ARID1A: variants seen among roughly 807,000 people sequenced by gnomAD.
The protein encoded by ARID1A is AT-rich interactive domain-containing protein 1A.
A neutral mutation model predicts 212.6 loss-of-function variants in ARID1A; 20 were observed. The ratio of observed to expected loss-of-function variants is 0.09; its 90% CI spans 0.07 to 0.14. ARID1A has a LOEUF of 0.14. Ranked by LOEUF, ARID1A falls within the 10% of genes least tolerant of loss-of-function variation. The probability of loss-of-function intolerance (pLI) is 1.00; values close to 1 mark genes in which losing one functional copy is unlikely to be tolerated. For synonymous variants in ARID1A, 1,376 were observed against 1,222.1 expected, an observed-to-expected ratio of 1.13 and a Z score of -2.63; for missense variants, 2,587 against 3,059.0, an observed-to-expected ratio of 0.85 and a Z score of 3.64.
At chr1:26,716,173 T>C (rs2080500627) in intron 1 of ARID1A, among the ~76,000 whole-genome samples, 1 of 135,334 alleles carries the variant, frequency 7.4e-6, no homozygotes, top group South Asian at 2.3e-4. Context: ...GCCACTGCAC[T>C]CCAACCTGGG....
At chr1:26,736,651 A>G (rs2080733589) in intron 4 of ARID1A, among the ~76,000 whole-genome samples, 1 of 147,222 alleles carries the variant, frequency 6.8e-6, no homozygotes, top group Admixed American at 6.8e-5. Flanking sequence ...AAAAAAGGGC[A>G]CAGTGGCTCA....
At chr1:26,743,856 A>C (rs987044928) in intron 4 of ARID1A, among the ~76,000 whole-genome samples, 6 of 151,802 alleles carry the variant, frequency 4.0e-5, no homozygotes, top group African/African-American at 1.5e-4. Flanking sequence ...CCTTTTGTTC[A>C]TTTCATGATA....
Position 26,779,071 on chromosome 1 carries a change from A to C in ARID1A, c.5173A>C (p.Ile1725Leu). 6.6e-7 allele frequency: 1 copy of C among 1,512,388 alleles called. No individual in the cohort carries two copies. Among genetic ancestry groups the C allele is most frequent in the Non-Finnish European group, 8.8e-7 (1 of 1,130,186 alleles). The allele number at this position is 1,512,388 out of a possible 1,614,324, so 93.7% of individuals were successfully genotyped here. A position where few individuals can be genotyped will look rare whatever the true frequency, so the allele number is the denominator to read the frequency against. The change falls in exon 20 of 20, where the codon ATT becomes CTT. Residue 1725 changes from isoleucine (I) to leucine (L), a missense_variant. By Grantham distance (5) the Ile-to-Leu change is conservative. Transcript: ENST00000324856. Reference protein sequence around the residue: ...LLVEYFRRCLIEIFGILKEYE... With the variant: ...LLVEYFRRCLLEIFGILKEYE... ...TGTAGAATATTTCCGACGATGCCTGATTGAGATCTTTGGCATTTTAAAGGA... is the reference window on the plus strand; with the variant it reads ...TGTAGAATATTTCCGACGATGCCTGCTTGAGATCTTTGGCATTTTAAAGGA...
At chr1:26,723,120 G>A (rs1182154358) in intron 1 of ARID1A, among the ~76,000 whole-genome samples, 1 of 152,188 alleles carries the variant, frequency 6.6e-6, no homozygotes, top group Non-Finnish European at 1.5e-5. Context: ...AGATACAGTT[G>A]TCTGGCTGGG....
intron 1 of ARID1A, among the ~76,000 whole-genome samples, chr1:26,702,702 G>A (rs896577464): frequency 1.3e-5 from 2 of 152,178 alleles, no homozygotes; most frequent in Non-Finnish European, 2.9e-5. Context: ...AAAGGGTAGT[G>A]CTGGGGGGCA....
chr1:26,752,536 A>G (rs1361723341), intron 4 of ARID1A, among the ~76,000 whole-genome samples: 1 of 152,210 alleles, frequency 6.6e-6, no homozygotes, highest in Non-Finnish European at 1.5e-5. Flanking sequence ...TGAAAAGCCA[A>G]GTCTCCCAAA....
At chr1:26,725,852 CTTT>C (rs71007888) in intron 1 of ARID1A, among the ~76,000 whole-genome samples, 4 of 126,722 alleles carry the variant, frequency 3.2e-5, no homozygotes, top group Admixed American at 8.2e-5. Flanking sequence ...TGGTATAAAC[CTTT>C]TTTTTTTTTT....
chr1:26,754,523 G>T (rs921980533), intron 4 of ARID1A, among the ~76,000 whole-genome samples: 1 of 152,156 alleles, frequency 6.6e-6, no homozygotes, highest in East Asian at 1.9e-4. Context: ...TGCCCCAGGG[G>T]TGTCATAGAC....
rs2124740360 is a variant in ARID1A, at chr1:26,696,539, G to A, written c.136G>A (p.Glu46Lys). Residue 46 changes from glutamate (E) to lysine (K), a missense_variant, in exon 1 of 20, where the codon GAG (glutamate) becomes AAG (lysine). Transcript: ENST00000324856. ...CGAGGCGGCGGCGGCGGCAGCGGCC[G>A]AGCGCGGGGAAATGAAGGCAGCCGC... ...GGEAAAAAAA[E>K]RGEMKAAAGQ... 8.2e-7 allele frequency: 1 copy of A among 1,226,228 alleles called. No homozygotes were observed. Among genetic ancestry groups the A allele is most frequent in the Non-Finnish European group, 1.0e-6 (1 of 987,046 alleles). The allele number at this position is 1,226,228 out of a possible 1,614,324, so 76.0% of individuals were successfully genotyped here.
intron 4 of ARID1A, among the ~76,000 whole-genome samples, chr1:26,738,019 A>G (rs1426667265): frequency 6.6e-6 from 1 of 151,726 alleles, no homozygotes; most frequent in Non-Finnish European, 1.5e-5. Flanking sequence ...TTCCTTTGCT[A>G]TAGTAAACTC....
At chr1:26,741,467 A>G (rs1249173243) in intron 4 of ARID1A, among the ~76,000 whole-genome samples, 1 of 152,202 alleles carries the variant, frequency 6.6e-6, no homozygotes, top group Admixed American at 6.5e-5. Flanking sequence ...CCTCCGCTTC[A>G]TCCCAAAGAC....
At chr1:26,702,523 T>C (rs1356188997) in intron 1 of ARID1A, among the ~76,000 whole-genome samples, 1 of 152,238 alleles carries the variant, frequency 6.6e-6, no homozygotes, top group African/African-American at 2.4e-5. Flanking sequence ...TTTGTGTAAA[T>C]ACTTGCTGAG....
At chr1:26,760,769 GA>G in intron 4 of ARID1A, 86 bp from the exon 5 acceptor site, 1 of 1,417,902 alleles carries the variant, frequency 7.1e-7, no homozygotes, top group South Asian at 1.3e-5. Flanking sequence ...GTTGTTTAAG[GA>G]AAATGCTAAG....
intron 4 of ARID1A, among the ~76,000 whole-genome samples, chr1:26,747,814 C>T (rs1298390825): frequency 6.6e-6 from 1 of 152,136 alleles, no homozygotes; most frequent in Non-Finnish European, 1.5e-5. Flanking sequence ...TGCACGACTG[C>T]ACTCCAGCCT....
At chr1:26,734,817 C>T (rs1557594297) in intron 4 of ARID1A, among the ~76,000 whole-genome samples, 3 of 152,178 alleles carry the variant, frequency 2.0e-5, no homozygotes, top group Non-Finnish European at 2.9e-5. Flanking sequence ...CCTAGGTTTG[C>T]CAGTGCATTG....
At position 26,774,771 on chromosome 1, in the gene ARID1A, G is replaced by T. The variant is rs2124120359; in HGVS notation, c.4544G>T (p.Gly1515Val). ...AATTATGCCAACAGGCAGAGCACGGGCTCTGCCCCCCAGGGCCCCGCCTAT... is the reference window on the plus strand; with the variant it reads ...AATTATGCCAACAGGCAGAGCACGGTCTCTGCCCCCCAGGGCCCCGCCTAT... ...TYNYANRQST[G>V]SAPQGPAYHG... Residue 1515 changes from glycine to valine, a missense_variant, in exon 18 of 20, where the codon GGC (glycine) becomes GTC (valine). Physicochemically the swap from Gly to Val is moderately radical, Grantham distance 109. Transcript: ENST00000324856. The surrounding 1 kb of genome is among the most constrained non-coding windows in gnomAD (Gnocchi z 5.6). 6.2e-7 allele frequency: 1 copy of T among 1,614,256 alleles called. No individual in the cohort carries two copies. Among genetic ancestry groups the T allele is most frequent in the Non-Finnish European group, 8.5e-7 (1 of 1,180,054 alleles).
At chr1:26,737,179 A>G (rs1040923231) in intron 4 of ARID1A, among the ~76,000 whole-genome samples, 15 of 151,728 alleles carry the variant, frequency 9.9e-5, no homozygotes, top group African/African-American at 3.6e-4. Context: ...GTAGTGGTTT[A>G]TTCTCGGCTC....
chr1:26,706,669 CAGT>C (rs2080395214), intron 1 of ARID1A, among the ~76,000 whole-genome samples: 1 of 152,150 alleles, frequency 6.6e-6, no homozygotes, highest in Non-Finnish European at 1.5e-5. Context: ...TCTTCTTGCC[CAGT>C]GATTTCTCCT....
chr1:26,733,899 C>T (rs1307551301), intron 4 of ARID1A, among the ~76,000 whole-genome samples: 1 of 152,226 alleles, frequency 6.6e-6, no homozygotes, highest in African/African-American at 2.4e-5. Flanking sequence ...CGGGAACTCT[C>T]TTCATCATGA....
Sources: gnomAD v4.1 joint callset for allele counts (sites outside exome capture counted in the v4.1 genomes callset) on GRCh38, gnomAD v4.1.1 for gene constraint, Gnocchi (gnomAD v3.1) non-coding constraint, MANE v1.5 for transcripts, NCBI Gene and HGNC (gene_info 2026-07-23, HGNC 2026-07-21) for gene names.